The following IL1R2 variants were observed in gnomAD, a reference collection of about 807,000 sequenced individuals.
IL1R2 encodes interleukin 1 receptor type 2, also known as interleukin-1 receptor type 2.
IL1R2 carries 46 observed loss-of-function variants against 39.5 expected under a neutral mutation model. The observed-to-expected ratio is 1.16, with a 90% CI of 0.92 to 1.49. IL1R2 has a LOEUF of 1.49. IL1R2 is among the 40% of genes most tolerant of loss of function. The probability of loss-of-function intolerance (pLI) is 0.00; values close to 1 mark genes in which losing one functional copy is unlikely to be tolerated. For synonymous variants in IL1R2, 207 were observed against 189.6 expected, an observed-to-expected ratio of 1.09 and a Z score of -0.75; for missense variants, 537 against 502.0, an observed-to-expected ratio of 1.07 and a Z score of -0.67.
intron 1 of IL1R2, among the ~76,000 whole-genome samples, chr2:102,005,272 G>A (rs749548315): frequency 2.0e-5 from 3 of 152,170 alleles, no homozygotes; most frequent in Non-Finnish European, 4.4e-5. Flanking sequence ...CTGCACGTCA[G>A]CTCCTGACTT....
At chr2:102,021,447 C>T (rs1176784551) in intron 5 of IL1R2, among the ~76,000 whole-genome samples, 1 of 152,000 alleles carries the variant, frequency 6.6e-6, no homozygotes, top group African/African-American at 2.4e-5. Flanking sequence ...TCCTGAGTAG[C>T]TGGGATTACA....
intron 1 of IL1R2, among the ~76,000 whole-genome samples, chr2:102,002,958 C>T (rs1675993620): frequency 6.6e-6 from 1 of 151,204 alleles, no homozygotes; most frequent in African/African-American, 2.4e-5. Flanking sequence ...GTGCCTATGT[C>T]TGTGTCTGTG....
At chr2:101,993,301 G>C in intron 1 of IL1R2, among the ~76,000 whole-genome samples, 2 of 152,260 alleles carry the variant, frequency 1.3e-5, no homozygotes, top group Middle Eastern at 6.8e-3. Context: ...GATGAGCTGC[G>C]TGACAGCTCA....
At position 102,010,400 on chromosome 2, in the gene IL1R2, C is replaced by T. The variant is rs3218858; in HGVS notation, c.332+574C>T. Among the ~76,000 whole-genome samples, 433 of 152,030 alleles carry T rather than the reference C, an allele frequency of 2.8e-3. 3 individuals are homozygous for T. The highest frequency in any genetic ancestry group is 9.8e-3 in the African/African-American group (407 of 41,474). On this transcript the variant is annotated intron_variant, in intron 3 of 8. Coordinates refer to ENST00000332549, the MANE Select transcript of IL1R2 (RefSeq NM_004633.4). ...CATCCTGGCTAACACAGTGAAACCC[C>T]GTCTCTACTAAAAAAATACAAAAAA... is the stretch of plus-strand genomic sequence containing the variant.
intron 4 of IL1R2, chr2:102,016,606 C>A (rs1188812671): frequency 6.5e-6 from 1 of 152,674 alleles, no homozygotes; most frequent in African/African-American, 2.4e-5. Context: ...GAGGCTCTAC[C>A]ATCTAGGCCT....
chr2:101,996,100 C>T (rs986464794), intron 1 of IL1R2, among the ~76,000 whole-genome samples: 5 of 151,810 alleles, frequency 3.3e-5, no homozygotes, highest in Admixed American at 6.6e-5. Context: ...TCACGTGCCC[C>T]GCCCGACTTC....
intron 3 of IL1R2, among the ~76,000 whole-genome samples, chr2:102,013,557 AGAAAG>A (rs1559421434): frequency 9.9e-5 from 13 of 131,768 alleles, no homozygotes; most frequent in East Asian, 2.2e-4. Context: ...AAAAAAGGAA[AGAAAG>A]AAAAGAAAAG....
At chr2:102,019,872 C>G in intron 5 of IL1R2, 60 bp downstream of exon 5, 1 of 1,416,162 alleles carries the variant, frequency 7.1e-7, no homozygotes, top group Non-Finnish European at 9.8e-7. Flanking sequence ...ATGCAGAGAA[C>G]AAATGACGGT....
chr2:102,026,399 C>T, intron 8 of IL1R2, 146 bp downstream of exon 8: 3 of 664,922 alleles, frequency 4.5e-6, no homozygotes, highest in Admixed American at 3.1e-5. Flanking sequence ...AGAAACCTCC[C>T]ATTTTTAAAG....
At chr2:102,009,173 G>C (rs1448160909) in intron 2 of IL1R2, among the ~76,000 whole-genome samples, 2 of 152,298 alleles carry the variant, frequency 1.3e-5, no homozygotes, top group Non-Finnish European at 2.9e-5. Flanking sequence ...CATACGACGT[G>C]CCAGAACTAA....
chr2:101,996,485 GTTTTTTTT>G (rs11382814), intron 1 of IL1R2, among the ~76,000 whole-genome samples: 842 of 82,460 alleles, frequency 0.01, 14 homozygotes, highest in African/African-American at 0.041. Context: ...TGTTTTCAGT[GTTTTTTTT>G]TTTTTTTTTT....
intron 3 of IL1R2, among the ~76,000 whole-genome samples, chr2:102,013,567 G>GAAAAAAAAAAAAAA (rs1676792615): frequency 6.6e-5 from 2 of 30,078 alleles, no homozygotes; most frequent in African/African-American, 1.3e-4. Flanking sequence ...AGAAAGAAAA[G>GAAAAAAAAAAAAAA]AAAAGAAGGA....
intron 8 of IL1R2, 73 bp downstream of exon 8, chr2:102,026,326 T>A: frequency 8.8e-7 from 1 of 1,136,092 alleles, no homozygotes; most frequent in African/African-American, 1.6e-5. Context: ...TAGACAAATC[T>A]ACTTGTTCTC....
Position 102,000,501 on chromosome 2 carries a change from T to C in IL1R2, c.-61-8014T>C, listed in dbSNP as rs13384144. ...GGTCGAATATGACTAATAAATGAAG[T>C]TAAGAGGGAGGAAATTTTGGGATCC... On this transcript the variant is annotated intron_variant, in intron 1 of 8. Transcript: ENST00000332549. 4.7e-3 allele frequency among the ~76,000 whole-genome samples: 712 copies of C among 152,264 alleles called. 7 individuals are homozygous for C. Among genetic ancestry groups the C allele is most frequent in the African/African-American group, 0.016 (673 of 41,538 alleles).
At chr2:102,028,159 C>A in intron 8 of IL1R2, 67 bp from the exon 9 acceptor site, 1 of 1,318,326 alleles carries the variant, frequency 7.6e-7, no homozygotes, top group South Asian at 1.8e-5. Context: ...TGTACACCTG[C>A]ATTGCCCTGT....
intron 4 of IL1R2, among the ~76,000 whole-genome samples, chr2:102,017,066 A>G (rs570513218): frequency 3.2e-4 from 48 of 152,324 alleles, no homozygotes; most frequent in South Asian, 1.2e-3. Flanking sequence ...AAAAGCTTAC[A>G]TAACAATTTT....
At chr2:102,013,554 G>GAAAAAAA (rs1577711343) in intron 3 of IL1R2, among the ~76,000 whole-genome samples, 18 of 31,648 alleles carry the variant, frequency 5.7e-4, no homozygotes, top group African/African-American at 1.0e-3. Flanking sequence ...AAAAAAAAAG[G>GAAAAAAA]AAAGAAAGAA....
chr2:102,011,656 G>C (rs181243392), intron 3 of IL1R2, among the ~76,000 whole-genome samples: 57 of 152,258 alleles, frequency 3.7e-4, no homozygotes, highest in Non-Finnish European at 6.8e-4. Flanking sequence ...TTAACCCCTT[G>C]CCTTATCAGA....
At chr2:102,016,131 A>C in intron 4 of IL1R2, 80 bp downstream of exon 4, 1 of 1,155,846 alleles carries the variant, frequency 8.7e-7, no homozygotes, top group Admixed American at 2.2e-5. Flanking sequence ...TAAAATATCG[A>C]TTTTCTGAAG....
Sources: gnomAD v4.1 joint callset for allele counts (sites outside exome capture counted in the v4.1 genomes callset) on GRCh38, gnomAD v4.1.1 for gene constraint, MANE v1.5 for transcripts, NCBI Gene and HGNC (gene_info 2026-07-23, HGNC 2026-07-21) for gene names.